DMXL2: variants seen among roughly 807,000 people sequenced by gnomAD.
DMXL2 encodes the protein Dmx like 2, also known as dmX-like protein 2.
In DMXL2, 103 loss-of-function variants were observed where a neutral mutation model predicts 331.1. The ratio of observed to expected loss-of-function variants is 0.31; its 90% CI spans 0.27 to 0.37. The LOEUF is 0.37. DMXL2 is among the 10% of genes least tolerant of loss of function. The pLI, the probability that DMXL2 is intolerant of heterozygous loss-of-function variation, is 1.00. For synonymous variants in DMXL2, 1,281 were observed against 1,252.1 expected (o/e 1.02, Z -0.49); for missense variants, 3,171 against 3,642.9 (o/e 0.87, Z 3.33).
chr15:51,622,606 C>A lies in DMXL2; in HGVS notation c.-61G>T, dbSNP rs958128858. 1.8e-5 allele frequency: 27 copies of A among 1,505,572 alleles called. No homozygotes were observed. In the Middle Eastern group the frequency reaches 5.5e-4, roughly 31 times the overall value. 93.3% of individuals were successfully genotyped at this position (1,505,572 alleles called of 1,614,324 possible). A position where few individuals can be genotyped will look rare whatever the true frequency, so the allele number is the denominator to read the frequency against. On this transcript the variant is annotated 5_prime_UTR_variant, in exon 1 of 44. Coordinates refer to ENST00000560891, the MANE Select transcript of DMXL2 (RefSeq NM_001378457.1). ...TGCGACAAGCTCCGCGCCTGACCCTCCTCGGGCTGCGAGAGCCGTTTCCCT... is the reference window on the plus strand; with the variant it reads ...TGCGACAAGCTCCGCGCCTGACCCTACTCGGGCTGCGAGAGCCGTTTCCCT...
At chr15:51,621,682 T>G (rs2054635205) in intron 1 of DMXL2, among the ~76,000 whole-genome samples, 2 of 152,216 alleles carry the variant, frequency 1.3e-5, no homozygotes, top group African/African-American at 4.8e-5. Context: ...TCTAAAACGT[T>G]ATGTATACAT....
intron 29 of DMXL2, among the ~76,000 whole-genome samples, chr15:51,467,507 C>T (rs752889021): frequency 7.2e-5 from 11 of 151,864 alleles, no homozygotes; most frequent in Admixed American, 1.3e-4. Context: ...AATCAAATGG[C>T]AATAAGATCA....
At chr15:51,495,400 A>G (rs1433252547) in intron 18 of DMXL2, among the ~76,000 whole-genome samples, 4 of 152,212 alleles carry the variant, frequency 2.6e-5, no homozygotes, top group Non-Finnish European at 5.9e-5. Context: ...ATTGACTCAT[A>G]ATAAATGAAA....
chr15:51,534,615 A>G (rs2048185175), intron 13 of DMXL2, among the ~76,000 whole-genome samples: 1 of 152,172 alleles, frequency 6.6e-6, no homozygotes, highest in African/African-American at 2.4e-5. Flanking sequence ...CCTTTAAAAT[A>G]TCTTCCAATT....
At chr15:51,521,006 G>C (rs550582660) in intron 13 of DMXL2, among the ~76,000 whole-genome samples, 7 of 152,150 alleles carry the variant, frequency 4.6e-5, no homozygotes, top group African/African-American at 1.7e-4. Flanking sequence ...GTGATTTTTA[G>C]CAAAATTGCT....
At position 51,499,519 on chromosome 15, in the gene DMXL2, A is replaced by T. The variant is rs777835475; in HGVS notation, c.3705T>A (p.Ser1235=). ...GVKSRWVLLR[S]IDLVSSVDGT... is the part of the protein sequence containing the mutation. Reference sequence around the variant, plus strand: ...CATCAACAGAAGATACCAAGTCTATAGATCTAAGAAGAACCCATCTTGACT... The same window carrying T: ...CATCAACAGAAGATACCAAGTCTATTGATCTAAGAAGAACCCATCTTGACT... The change falls in exon 18 of 44, where the codon TCT becomes TCA. Residue 1235 remains serine, a synonymous_variant. Transcript: ENST00000560891. The T allele has an allele frequency of 6.2e-7, 1 of 1,614,186 alleles. No homozygotes were observed. The highest frequency in any genetic ancestry group is 1.1e-5 in the South Asian group (1 of 91,080).
intron 1 of DMXL2, among the ~76,000 whole-genome samples, chr15:51,599,444 A>G (rs2053071908): frequency 6.6e-6 from 1 of 152,154 alleles, no homozygotes; most frequent in South Asian, 2.1e-4. Flanking sequence ...ACACATATCT[A>G]TTTTCAACTG....
intron 1 of DMXL2, among the ~76,000 whole-genome samples, chr15:51,590,006 C>G: frequency 6.6e-6 from 1 of 152,194 alleles, no homozygotes; most frequent in East Asian, 1.9e-4. Context: ...ATGTATTGTT[C>G]ATCTTATTCA....
chr15:51,500,039 CTAT>C lies in DMXL2; in HGVS notation c.3182_3184del (p.Asn1061del). ...TCTTCCCACAATGCTCACTGTACTG[CTAT>C]TATCTTCTCCTTCATCATTCATCAA... On this transcript the variant is annotated inframe_deletion, in exon 18 of 44. Coordinates refer to ENST00000560891, the MANE Select transcript of DMXL2 (RefSeq NM_001378457.1). The C allele has an allele frequency of 6.2e-7, 1 of 1,614,162 alleles. No homozygotes were observed. Among genetic ancestry groups the C allele is most frequent in the Non-Finnish European group, 8.5e-7 (1 of 1,180,020 alleles).
chr15:51,476,713 T>C lies in DMXL2; in HGVS notation c.6840A>G (p.Gln2280=), dbSNP rs1260448167. The C allele has an allele frequency of 6.3e-7, 1 of 1,598,786 alleles. No individual in the cohort carries two copies. The highest frequency in any genetic ancestry group is 2.2e-5 in the East Asian group (1 of 44,504). The change falls in exon 27 of 44, where the codon CAA becomes CAG. Residue 2280 remains glutamine, a synonymous_variant. Coordinates refer to ENST00000560891, the MANE Select transcript of DMXL2 (RefSeq NM_001378457.1). ...TTCCTGTAAACTGATTTCCTTCTGT[T>C]TGACTGCTAAAACAAATAGGTTCAG... The part of the protein sequence containing the change: ...ALCDSHSYSS[Q]TEGNQFTGMA...
intron 18 of DMXL2, among the ~76,000 whole-genome samples, chr15:51,496,893 T>C (rs2043220967): frequency 6.6e-6 from 1 of 152,224 alleles, no homozygotes; most frequent in Non-Finnish European, 1.5e-5. Flanking sequence ...TCTCTGAGCT[T>C]CAGTTTCCCA....
chr15:51,529,699 T>C (rs2047890680), intron 13 of DMXL2, among the ~76,000 whole-genome samples: 1 of 151,892 alleles, frequency 6.6e-6, no homozygotes, highest in African/African-American at 2.4e-5. Flanking sequence ...CGAATACCAA[T>C]CCCACTAAAA....
At chr15:51,563,768 A>C (rs1225285521) in intron 5 of DMXL2, among the ~76,000 whole-genome samples, 2 of 152,062 alleles carry the variant, frequency 1.3e-5, no homozygotes, top group Non-Finnish European at 1.5e-5. Flanking sequence ...TTCGTCACAT[A>C]ATCTATATGA....
chr15:51,560,229 G>A (rs1038254437), intron 6 of DMXL2, among the ~76,000 whole-genome samples: 2 of 152,136 alleles, frequency 1.3e-5, no homozygotes, highest in South Asian at 4.1e-4. Context: ...ATATATTGTG[G>A]ATATTTTTGT....
At chr15:51,576,998 T>G (rs1324017154) in intron 1 of DMXL2, among the ~76,000 whole-genome samples, 1 of 152,192 alleles carries the variant, frequency 6.6e-6, no homozygotes, top group Non-Finnish European at 1.5e-5. Flanking sequence ...GCAACACTTC[T>G]TGCTGTATGC....
chr15:51,498,687 C>A lies in DMXL2; in HGVS notation c.4537G>T (p.Val1513Leu). The change falls in exon 18 of 44, where the codon GTA (valine) becomes TTA (leucine). Residue 1513 changes from valine to leucine, a missense_variant. Val to Leu is a conservative substitution (Grantham distance 32, BLOSUM62 1). Transcript: ENST00000560891. ...PAYFGQEHAR[V>L]LSSHLMHSSL... ...GAGTGCATAAGATGACTTGAAAGTACCCTTGCATGTTCTTGGCCAAAGTAA... is the reference window on the plus strand; with the variant it reads ...GAGTGCATAAGATGACTTGAAAGTAACCTTGCATGTTCTTGGCCAAAGTAA... 1.9e-6 allele frequency: 3 copies of A among 1,614,074 alleles called. No homozygotes were observed. Among genetic ancestry groups the A allele is most frequent in the Non-Finnish European group, 2.5e-6 (3 of 1,180,002 alleles).
In DMXL2 at chr15:51,529,185, C is replaced by T. The variant is rs8025810; in HGVS notation, c.2436+6478G>A. On this transcript the variant is annotated intron_variant, in intron 13 of 43. Transcript: ENST00000560891. Reference sequence around the variant, plus strand: ...GGAAGACTTCAAATAAACAACCTAACGATGACTCTTAAAGAACTAGAAAAG... The same window carrying T: ...GGAAGACTTCAAATAAACAACCTAATGATGACTCTTAAAGAACTAGAAAAG... Among the ~76,000 whole-genome samples, 1,021 of 152,028 alleles carry T rather than the reference C, an allele frequency of 6.7e-3. 18 individuals carry two copies. The highest frequency in any genetic ancestry group is 0.024 in the African/African-American group (981 of 41,532).
At chr15:51,571,829 A>G (rs2050688377) in intron 2 of DMXL2, among the ~76,000 whole-genome samples, 1 of 152,224 alleles carries the variant, frequency 6.6e-6, no homozygotes, top group Admixed American at 6.5e-5. Flanking sequence ...CCACAAGAGA[A>G]AGCAGGAAAG....
chr15:51,575,377 A>T (rs28408214), intron 2 of DMXL2, among the ~76,000 whole-genome samples: 123,775 of 152,064 alleles, frequency 0.81, 50,734 homozygotes, highest in East Asian at 0.99. Flanking sequence ...AAACCTTATT[A>T]CTCTATTCTC....
Sources: allele counts gnomAD v4.1 joint callset (sites outside exome capture counted in the v4.1 genomes callset), GRCh38; gene constraint gnomAD v4.1.1; transcripts MANE v1.5; gene names NCBI Gene and HGNC (gene_info 2026-07-23, HGNC 2026-07-21).